MAP3K12: variants seen among roughly 807,000 people sequenced by gnomAD.
MAP3K12 encodes the protein mitogen-activated protein kinase kinase kinase 12, also known as MAPK-upstream kinase.
In MAP3K12, 14 loss-of-function variants were observed where a neutral mutation model predicts 87.5. The observed-to-expected ratio is 0.16, with a 90% CI of 0.11 to 0.25. The LOEUF (loss-of-function observed/expected upper bound fraction) is 0.25, where lower values mean the gene tolerates loss of function less well. Ranked by LOEUF, MAP3K12 falls within the 10% of genes least tolerant of loss-of-function variation. The pLI, the probability that MAP3K12 is intolerant of heterozygous loss-of-function variation, is 1.00. For missense variants in MAP3K12, 802 were observed against 1,140.4 expected, an observed-to-expected ratio of 0.70 and a Z score of 4.27; for synonymous variants, 469 against 452.5, an observed-to-expected ratio of 1.04 and a Z score of -0.46.
At position 53,487,014 on chromosome 12, in the gene MAP3K12, G is replaced by C; in HGVS notation, c.378C>G (p.Gly126=). The change falls in exon 2 of 14, where the codon GGC becomes GGG. Residue 126 remains glycine (G), a synonymous_variant. Transcript: ENST00000547488. ...TCATGGTCCAGACAGGGCGCAGGCA[G>C]CCAAAGAGGCCCTCAAGGAAGCCAC... ...SGSGFLEGLF[G]CLRPVWTMIG... 6.2e-7 allele frequency: 1 copy of C among 1,614,122 alleles called. No homozygotes were observed. Among genetic ancestry groups the C allele is most frequent in the Non-Finnish European group, 8.5e-7 (1 of 1,180,022 alleles).
intron 6 of MAP3K12, 167 bp downstream of exon 6, chr12:53,484,889 C>T (rs1268777533): frequency 5.2e-6 from 4 of 767,820 alleles, no homozygotes; most frequent in Admixed American, 2.7e-5. Flanking sequence ...GAGTAGATAC[C>T]AATTACCCCT....
rs1414564868 is a variant in MAP3K12 at position 53,482,288 on chromosome 12, C to CCAT, written c.2309+8_2309+10dup. 5 of 1,614,100 alleles carry CCAT rather than the reference C, an allele frequency of 3.1e-6. No homozygotes were observed. The highest frequency in any genetic ancestry group is 4.2e-6 in the Non-Finnish European group (5 of 1,179,976). On this transcript the variant is annotated intron_variant, in intron 12 of 13. Transcript: ENST00000547488. ...AAGAATGCCATTAATTCTTGTAATG[C>CCAT]CATCACTTACCTCTGGCTTGATGTC... is the stretch of plus-strand genomic sequence containing the variant.
At chr12:53,483,803 C>A in intron 8 of MAP3K12, 80 bp from the exon 9 acceptor site, 2 of 1,611,948 alleles carry the variant, frequency 1.2e-6, no homozygotes, top group African/African-American at 1.3e-5. Flanking sequence ...GAATTCCTGT[C>A]CACAGTCCTT....
Position 53,483,466 on chromosome 12 carries a change from C to T in MAP3K12, c.1496G>A (p.Arg499Gln), listed in dbSNP as rs758993212. Residue 499 changes from arginine to glutamine, a missense_variant, in exon 10 of 14, where the codon CGG becomes CAG. By Grantham distance (43) the Arg-to-Gln change is conservative. Transcript: ENST00000547488. ...ELLRREQALE[R>Q]RCPGLLKPHP... ...TGGCTTCAGCAGGCCTGGGCACCTC[C>T]GCTCTAAAGCTTGCTCTCGCCTAAA... 1.8e-5 allele frequency: 29 copies of T among 1,614,124 alleles called. No individual in the cohort carries two copies. Among genetic ancestry groups the T allele is most frequent in the Admixed American group, 6.7e-5 (4 of 60,022 alleles).
chr12:53,501,257 A>T, upstream of MAP3K12: 1 of 753,868 alleles, frequency 1.3e-6, no homozygotes, highest in East Asian at 2.7e-5. Flanking sequence ...CTCACGAAGT[A>T]GGGTGGGCGG....
intron 6 of MAP3K12, 23 bp from the exon 7 acceptor site, chr12:53,484,388 GGA>G (rs751197606): frequency 4.4e-6 from 7 of 1,575,896 alleles, no homozygotes; most frequent in East Asian, 2.2e-5. Context: ...GAGTTAGGAA[GGA>G]GAGGGGAGAA....
intron 1 of MAP3K12, among the ~76,000 whole-genome samples, chr12:53,492,393 G>A (rs2137225092): frequency 6.6e-6 from 1 of 152,202 alleles, no homozygotes; most frequent in South Asian, 2.1e-4. Context: ...GCTCGGTAAG[G>A]TGGAACCACT....
Position 53,483,366 on chromosome 12 carries a change from C to G in MAP3K12, c.1596G>C (p.Leu532=). The change falls in exon 10 of 14, where the codon CTG becomes CTC. Residue 532 remains leucine (L), a synonymous_variant. Transcript: ENST00000547488. ...LIKKRNVPQK[L]SPHSKRPDIL... is the part of the protein sequence containing the mutation. ...TGTCCCACCTTTTGCTATGGGGTGA[C>G]AGCTTCTGTGGCACATTCCTCTTCT... is the stretch of plus-strand genomic sequence containing the variant. 6.2e-7 allele frequency: 1 copy of G among 1,614,138 alleles called. No homozygotes were observed. The highest frequency in any genetic ancestry group is 1.1e-5 in the South Asian group (1 of 91,078).
At chr12:53,490,079 G>C (rs1343070728) in intron 1 of MAP3K12, among the ~76,000 whole-genome samples, 1 of 152,044 alleles carries the variant, frequency 6.6e-6, no homozygotes, top group Non-Finnish European at 1.5e-5. Flanking sequence ...GAGGCAGGCG[G>C]ACCACCTGAG....
chr12:53,494,071 T>C (rs1943487765), intron 1 of MAP3K12, among the ~76,000 whole-genome samples: 1 of 152,198 alleles, frequency 6.6e-6, no homozygotes, highest in Non-Finnish European at 1.5e-5. Context: ...TACCCCTTTT[T>C]GTTTCCTTTA....
rs920578638 is a variant in MAP3K12, at chr12:53,482,411, A to G, written c.2239-42T>C. Reference sequence around the variant, plus strand: ...GTGGGGGGGGTCTGATTAGAAGTGGAAAGAGGTCACTAAGAATCCAGGAGA... The same window carrying G: ...GTGGGGGGGGTCTGATTAGAAGTGGGAAGAGGTCACTAAGAATCCAGGAGA... On this transcript the variant is annotated intron_variant, in intron 11 of 13. Transcript: ENST00000547488. The G allele has an allele frequency of 8.7e-6, 14 of 1,610,854 alleles. No individual in the cohort carries two copies. In the Middle Eastern group the frequency reaches 6.6e-4, roughly 76 times the overall value.
In MAP3K12 at chr12:53,481,289, A is replaced by G. The variant is rs539605301; in HGVS notation, c.2581-9T>C. 1.5e-5 allele frequency: 23 copies of G among 1,507,394 alleles called. No homozygotes were observed. In the Admixed American group the frequency reaches 4.5e-4, roughly 30 times the overall value. 93.4% of individuals were successfully genotyped at this position (1,507,394 alleles called of 1,614,324 possible). A position where few individuals can be genotyped will look rare whatever the true frequency, so the allele number is the denominator to read the frequency against. ...TCAGAATTGGGAGGGCCCTGTGAGA[A>G]AGAGTAGAAATGGAGTGAGATTCCT... On this transcript the variant is annotated splice_polypyrimidine_tract_variant and intron_variant, in intron 13 of 13. Coordinates refer to ENST00000547488, the MANE Select transcript of MAP3K12 (RefSeq NM_001193511.2).
intron 5 of MAP3K12, 39 bp downstream of exon 5, chr12:53,485,278 T>C: frequency 6.2e-7 from 1 of 1,605,772 alleles, no homozygotes; most frequent in Non-Finnish European, 8.5e-7. Context: ...CCCCCAGGGC[T>C]GGCCACCCAC....
rs770740122 is a variant in MAP3K12, at chr12:53,482,789, G to A, written c.2014C>T (p.Arg672Trp). The change falls in exon 11 of 14, where the codon CGG becomes TGG. Residue 672 changes from arginine (R) to tryptophan (W), a missense_variant. Coordinates refer to ENST00000547488, the MANE Select transcript of MAP3K12 (RefSeq NM_001193511.2). ...CCCTCACTTGGTGGGGTGTCACCCCGGGCCGGAGGTGGTGAGCCAGGATCC... is the reference window on the plus strand; with the variant it reads ...CCCTCACTTGGTGGGGTGTCACCCCAGGCCGGAGGTGGTGAGCCAGGATCC... The part of the protein sequence containing the change: ...AGDPGSPPPA[R>W]GDTPPSEGSA... 7.7e-5 allele frequency: 124 copies of A among 1,612,170 alleles called. 1 individual carries two copies. In the Admixed American group the frequency reaches 1.6e-3, roughly 21 times the overall value.
At chr12:53,491,301 A>AAAAAG (rs1555212340) in intron 1 of MAP3K12, among the ~76,000 whole-genome samples, 1,157 of 100,722 alleles carry the variant, frequency 0.011, 43 homozygotes, top group Middle Eastern at 0.023. Context: ...AAAAAAAAAA[A>AAAAAG]AAAAGAAAAG....
chr12:53,483,642 C>G lies in MAP3K12; in HGVS notation c.1440G>C (p.Met480Ile), dbSNP rs748123300. The change falls in exon 9 of 14, where the codon ATG becomes ATC. Residue 480 changes from methionine (M) to isoleucine (I), a missense_variant. Around this residue, in one of 5 missense-constraint regions of MAP3K12, gnomAD observed 99 missense variants for 193.4 expected, o/e 0.51. Coordinates refer to ENST00000547488, the MANE Select transcript of MAP3K12 (RefSeq NM_001193511.2). ...CCCTCTCCTTGAGTTCCAGCTGCAA[C>G]ATGAGGGCATTAAGTTCCATATACA... The part of the protein sequence containing the change: ...NNLYMELNAL[M>I]LQLELKEREL... The G allele has an allele frequency of 6.2e-7, 1 of 1,613,992 alleles. No individual in the cohort carries two copies. Among genetic ancestry groups the G allele is most frequent in the African/African-American group, 1.3e-5 (1 of 74,912 alleles).
intron 1 of MAP3K12, 113 bp from the exon 2 acceptor site, chr12:53,487,541 G>C (rs1374573209): frequency 1.4e-5 from 15 of 1,054,266 alleles, no homozygotes; most frequent in Non-Finnish European, 1.9e-5. Context: ...AGCCCCGCTG[G>C]AGGTAACACT....
At chr12:53,498,229 G>T (rs943174641) in intron 1 of MAP3K12, among the ~76,000 whole-genome samples, 2 of 152,170 alleles carry the variant, frequency 1.3e-5, no homozygotes, top group Admixed American at 1.3e-4. Flanking sequence ...GGACAGGAAG[G>T]CTCAGGGGGC....
chr12:53,481,818 A>C lies in MAP3K12; in HGVS notation c.2580+123T>G, dbSNP rs1056927317. 14 of 1,217,242 alleles carry C rather than the reference A, an allele frequency of 1.2e-5. No homozygotes were observed. In the African/African-American group the frequency reaches 2.1e-4, roughly 19 times the overall value. 75.4% of individuals were successfully genotyped at this position (1,217,242 alleles called of 1,614,324 possible). A position where few individuals can be genotyped will look rare whatever the true frequency, so the allele number is the denominator to read the frequency against. ...AGGCTTCTGAAATTCCACCACGTGG[A>C]TATTTGCTCTTTATGGTACTTTCTG... is the stretch of plus-strand genomic sequence containing the variant. On this transcript the variant is annotated intron_variant, in intron 13 of 13. Transcript: ENST00000547488.
Sources: gnomAD v4.1 joint callset for allele counts (sites outside exome capture counted in the v4.1 genomes callset) on GRCh38, gnomAD v4.1.1 for gene constraint, gnomAD v4.1.1 regional missense constraint, MANE v1.5 for transcripts, NCBI Gene and HGNC (gene_info 2026-07-23, HGNC 2026-07-21) for gene names.